MEGF6: variants seen among roughly 807,000 people sequenced by gnomAD.
MEGF6 encodes multiple EGF like domains 6, also known as multiple epidermal growth factor-like domains protein 6.
MEGF6 carries 184 observed loss-of-function variants against 207.1 expected under a neutral mutation model. That is an observed-to-expected ratio of 0.89 (90% confidence interval 0.79 to 1.00). The LOEUF (loss-of-function observed/expected upper bound fraction) is 1.00. Ranked by LOEUF, MEGF6 falls within the 50% of genes least tolerant of loss-of-function variation. The probability of loss-of-function intolerance (pLI) is 0.00; values close to 1 mark genes in which losing one functional copy is unlikely to be tolerated. For missense variants in MEGF6, 2,282 were observed against 2,202.9 expected, an observed-to-expected ratio of 1.04 and a Z score of -0.72; for synonymous variants, 1,038 against 910.0, an observed-to-expected ratio of 1.14 and a Z score of -2.53.
At position 3,493,872 on chromosome 1, in the gene MEGF6, C is replaced by A; in HGVS notation, c.4286G>T (p.Gly1429Val). 1 of 1,594,674 alleles carries A rather than the reference C, an allele frequency of 6.3e-7. No homozygotes were observed. The highest frequency in any genetic ancestry group is 1.3e-5 in the African/African-American group (1 of 74,610). ...GTCACAGTCACAGCGCTGGTGGCAG[C>A]CCTCTCCAAATGAACCTGGCTCACA... ...RGCEPGSFGE[G>V]CHQRCDCDGG... Residue 1429 changes from glycine (G) to valine (V), a missense_variant, in exon 34 of 37, where the codon GGC (glycine) becomes GTC (valine). Physicochemically the swap from Gly to Val is moderately radical, Grantham distance 109. Coordinates refer to ENST00000356575, the MANE Select transcript of MEGF6 (RefSeq NM_001409.4).
At chr1:3,508,831 G>C in intron 12 of MEGF6, 142 bp from the exon 13 acceptor site, 1 of 1,173,542 alleles carries the variant, frequency 8.5e-7, no homozygotes, top group Non-Finnish European at 1.2e-6. Flanking sequence ...GTGACATGGG[G>C]ACAGATGCTG....
chr1:3,519,889 ATG>A (rs1259562935), intron 5 of MEGF6, among the ~76,000 whole-genome samples: 20 of 152,118 alleles, frequency 1.3e-4, no homozygotes, highest in Non-Finnish European at 2.5e-4. Flanking sequence ...CAGCACACCC[ATG>A]GCAGAGCCAG....
Position 3,498,435 on chromosome 1 carries a change from C to G in MEGF6, c.3288G>C (p.Leu1096=). ...GGCAGCGGCCCGTGTGCGGGTCACA[C>G]AGGCCCCCGTTGAGGCAACCGCCGC... is the stretch of plus-strand genomic sequence containing the variant. The part of the protein sequence containing the change: ...RHSGGCLNGG[L]CDPHTGRCLC... The change falls in exon 26 of 37, where the codon CTG becomes CTC. Residue 1096 remains leucine (L), a synonymous_variant. Transcript: ENST00000356575. 6.3e-7 allele frequency: 1 copy of G among 1,582,034 alleles called. No individual in the cohort carries two copies. The highest frequency in any genetic ancestry group is 8.6e-7 in the Non-Finnish European group (1 of 1,166,194).
At chr1:3,507,684 T>C (rs1641165322) in intron 14 of MEGF6, 111 bp downstream of exon 14, 1 of 1,424,288 alleles carries the variant, frequency 7.0e-7, no homozygotes, top group South Asian at 1.2e-5. Flanking sequence ...GGTAGCAGTT[T>C]CCCTGCTCCA....
At chr1:3,567,046 C>T (rs1304409768) in intron 4 of MEGF6, among the ~76,000 whole-genome samples, 1 of 152,250 alleles carries the variant, frequency 6.6e-6, no homozygotes, top group Non-Finnish European at 1.5e-5. Context: ...GGGCCCCACA[C>T]CCCAGCGGCA....
Position 3,583,944 on chromosome 1 carries a change from G to A in MEGF6, c.377-4015C>T, listed in dbSNP as rs144401544. Among the ~76,000 whole-genome samples, 1,438 of 146,338 alleles carry A rather than the reference G, an allele frequency of 9.8e-3. 126 individuals carry two copies. The highest frequency in any genetic ancestry group is 0.037 in the African/African-American group (1,331 of 36,430). ...AATGCACAGCCACCTGCAGCAGCCC[G>A]GCCTCCAGAGCTGTCGAGGGCCACG... On this transcript the variant is annotated intron_variant, in intron 3 of 36. Coordinates refer to ENST00000356575, the MANE Select transcript of MEGF6 (RefSeq NM_001409.4).
At chr1:3,522,309 C>A (rs72633389) in intron 5 of MEGF6, among the ~76,000 whole-genome samples, 2,222 of 152,264 alleles carry the variant, frequency 0.015, 21 homozygotes, top group Non-Finnish European at 0.022. Flanking sequence ...CGGGCACCAG[C>A]CCTGGAGAAG....
At chr1:3,500,490 C>G in intron 21 of MEGF6, 143 bp downstream of exon 21, 1 of 1,257,998 alleles carries the variant, frequency 7.9e-7, no homozygotes, top group Non-Finnish European at 1.1e-6. Flanking sequence ...TGTGTGCGCG[C>G]ACAGGAGGGG....
At chr1:3,499,975 C>A in intron 21 of MEGF6, 51 bp from the exon 22 acceptor site, 1 of 1,503,876 alleles carries the variant, frequency 6.6e-7, no homozygotes, top group Non-Finnish European at 8.9e-7. Flanking sequence ...AGGAGCCTGA[C>A]CCAGCCGTGC....
At chr1:3,510,732 C>G in intron 10 of MEGF6, 51 bp downstream of exon 10, 1 of 1,558,948 alleles carries the variant, frequency 6.4e-7, no homozygotes, top group Non-Finnish European at 8.7e-7. Context: ...TTCCTTAGGG[C>G]AGCCCTGCTC....
rs1644324826 is a variant in MEGF6 at position 3,611,400 on chromosome 1, C to T, written c.-132G>A. 4 of 1,245,262 alleles carry T rather than the reference C, an allele frequency of 3.2e-6. No individual in the cohort carries two copies. The highest frequency in any genetic ancestry group is 4.2e-5 in the Admixed American group (1 of 23,906). The allele number at this position is 1,245,262 out of a possible 1,614,324, so 77.1% of individuals were successfully genotyped here. On this transcript the variant is annotated 5_prime_UTR_variant, in exon 1 of 37. Transcript: ENST00000356575. Reference sequence around the variant, plus strand: ...GCCCGCTCCGCGGAGCCCAAGGTCGCTGCAGGTGCGGAGCGTCCCGGCTTC... The same window carrying T: ...GCCCGCTCCGCGGAGCCCAAGGTCGTTGCAGGTGCGGAGCGTCCCGGCTTC...
At chr1:3,502,666 G>A (rs1640952508) in intron 17 of MEGF6, among the ~76,000 whole-genome samples, 1 of 152,124 alleles carries the variant, frequency 6.6e-6, no homozygotes, top group Non-Finnish European at 1.5e-5. Context: ...CCTGGGGAGA[G>A]AACGTGGGGG....
chr1:3,611,208 G>C lies in MEGF6; in HGVS notation c.61C>G (p.Leu21Val). The C allele has an allele frequency of 6.4e-7, 1 of 1,558,756 alleles. No individual in the cohort carries two copies. Among genetic ancestry groups the C allele is most frequent in the Non-Finnish European group, 8.6e-7 (1 of 1,162,830 alleles). The change falls in exon 1 of 37, where the codon CTG becomes GTG. Residue 21 changes from leucine to valine, a missense_variant. By Grantham distance (32) the Leu-to-Val change is conservative. Coordinates refer to ENST00000356575, the MANE Select transcript of MEGF6 (RefSeq NM_001409.4). ...CCCACGGGCACGGCGGGGAGCAGCAGCAGCACCAACGCCAGGACCACCGCG... is the reference window on the plus strand; with the variant it reads ...CCCACGGGCACGGCGGGGAGCAGCACCAGCACCAACGCCAGGACCACCGCG... The part of the protein sequence containing the change: ...GRAVVLALVL[L>V]LLPAVPVGAS...
intron 4 of MEGF6, among the ~76,000 whole-genome samples, chr1:3,557,861 C>A (rs1643081405): frequency 6.6e-6 from 1 of 152,244 alleles, no homozygotes; most frequent in Admixed American, 6.5e-5. Flanking sequence ...GAGGCGCCGT[C>A]CGGGTGGGCA....
intron 36 of MEGF6, 34 bp from the exon 37 acceptor site, chr1:3,490,623 G>A: frequency 6.2e-7 from 1 of 1,606,300 alleles, no homozygotes; most frequent in East Asian, 2.2e-5. Context: ...CCAGTCCAGG[G>A]TGGGGCGGGT....
At chr1:3,578,812 CGGAACGTGG>C (rs1557790845) in intron 4 of MEGF6, among the ~76,000 whole-genome samples, 51 of 150,508 alleles carry the variant, frequency 3.4e-4, no homozygotes, top group South Asian at 4.2e-4. Context: ...TGGTCCCCAG[CGGAACGTGG>C]AGTGGGCAGG....
rs150733765 is a variant in MEGF6, at chr1:3,607,397, C to A, written c.131+3741G>T. Among the ~76,000 whole-genome samples, 1,472 of 152,346 alleles carry A rather than the reference C, an allele frequency of 9.7e-3. 11 individuals are homozygous for A. The highest frequency in any genetic ancestry group is 0.019 in the Admixed American group (288 of 15,302). On this transcript the variant is annotated intron_variant, in intron 1 of 36. Coordinates refer to ENST00000356575, the MANE Select transcript of MEGF6 (RefSeq NM_001409.4). ...CCAGCCAGGCTGTGGTCCCTGAAAG[C>A]AGCTCCTGGATGGCTCTTGCAGTGA... is the stretch of plus-strand genomic sequence containing the variant.
intron 4 of MEGF6, chr1:3,531,172 G>A: frequency 6.6e-7 from 1 of 1,523,248 alleles, no homozygotes; most frequent in Non-Finnish European, 8.8e-7. Flanking sequence ...GTGCGTGCCC[G>A]CGACGCGCGC....
At chr1:3,558,977 G>C (rs1643112400) in intron 4 of MEGF6, among the ~76,000 whole-genome samples, 1 of 152,208 alleles carries the variant, frequency 6.6e-6, no homozygotes, top group Non-Finnish European at 1.5e-5. Context: ...AGTGAGCCAT[G>C]ATTGTGCCCC....
Sources: allele counts gnomAD v4.1 joint callset (sites outside exome capture counted in the v4.1 genomes callset), GRCh38; gene constraint gnomAD v4.1.1; transcripts MANE v1.5; gene names NCBI Gene and HGNC (gene_info 2026-07-23, HGNC 2026-07-21).